The following NCOA3 variants were observed in gnomAD, a reference collection of about 807,000 sequenced individuals.
NCOA3 encodes the protein nuclear receptor coactivator 3, also known as CBP-interacting protein.
A neutral mutation model predicts 158.8 loss-of-function variants in NCOA3; 51 were observed. The ratio of observed to expected loss-of-function variants is 0.32; its 90% CI spans 0.26 to 0.41. NCOA3 has a LOEUF of 0.41. NCOA3 is among the 10% of genes least tolerant of loss of function. The pLI, the probability that NCOA3 is intolerant of heterozygous loss-of-function variation, is 1.00. For missense variants in NCOA3, 1,510 were observed against 1,746.6 expected (o/e 0.86, Z 2.41); for synonymous variants, 537 against 592.4 (o/e 0.91, Z 1.36).
intron 1 of NCOA3, among the ~76,000 whole-genome samples, chr20:47,542,189 C>G (rs1418890102): frequency 1.3e-5 from 2 of 151,146 alleles, no homozygotes; most frequent in East Asian, 3.9e-4. Context: ...CACCACCATG[C>G]CAGCTACATT....
Position 47,583,179 on chromosome 20 carries a change from T to C in NCOA3, c.-98-4T>C, listed in dbSNP as rs1287390550. 2.5e-6 allele frequency: 1 copy of C among 398,536 alleles called. No individual in the cohort carries two copies. Among genetic ancestry groups the C allele is most frequent in the African/African-American group, 2.1e-5 (1 of 48,646 alleles). The allele number at this position is 398,536 out of a possible 1,614,324, so 24.7% of individuals were successfully genotyped here. ...TCAATCCCTCCTCTTCTTTTTGTCCTCAGGATCAAAATACTTGCTGGATGG... is the reference window on the plus strand; with the variant it reads ...TCAATCCCTCCTCTTCTTTTTGTCCCCAGGATCAAAATACTTGCTGGATGG... On this transcript the variant is annotated splice_region_variant and splice_polypyrimidine_tract_variant and intron_variant, in intron 1 of 22. Transcript: ENST00000371998.
At chr20:47,532,421 GC>G (rs1274575259) in intron 1 of NCOA3, among the ~76,000 whole-genome samples, 1 of 150,878 alleles carries the variant, frequency 6.6e-6, no homozygotes, top group East Asian at 1.9e-4. Context: ...TAACAGTGAG[GC>G]CTTGCAGACA....
chr20:47,505,688 C>T (rs1351617165), intron 1 of NCOA3, among the ~76,000 whole-genome samples: 1 of 151,078 alleles, frequency 6.6e-6, no homozygotes, highest in Non-Finnish European at 1.5e-5. Context: ...TTAACTTTTT[C>T]TTATTTTTTT....
rs71183267 is a variant in NCOA3 at position 47,593,334 on chromosome 20, A to ATTTTTTTTTTT, written c.-20+10091_-20+10101dup. Among the ~76,000 whole-genome samples the ATTTTTTTTTTT allele has an allele frequency of 2.7e-4, 17 of 63,754 alleles. 1 individual carries two copies. Among genetic ancestry groups the ATTTTTTTTTTT allele is most frequent in the African/African-American group, 7.3e-4 (11 of 14,986 alleles). 41.8% of individuals were successfully genotyped at this position (63,754 alleles called of 152,430 possible). On this transcript the variant is annotated intron_variant, in intron 2 of 22. Coordinates refer to ENST00000371998, the MANE Select transcript of NCOA3 (RefSeq NM_181659.3). ...GGAGTACCTCCTCTTGAGTTGATGGATTTTTTTTTTTTTTTTTTTTTTTTT... is the reference window on the plus strand; with the variant it reads ...GGAGTACCTCCTCTTGAGTTGATGGATTTTTTTTTTTTTTTTTTTTTTTTTTTTTTTTTTTT...
At chr20:47,570,023 A>AC (rs1602417498) in intron 1 of NCOA3, among the ~76,000 whole-genome samples, 1 of 114,610 alleles carries the variant, frequency 8.7e-6, no homozygotes, top group African/African-American at 4.4e-5. Context: ...AAAAACAACA[A>AC]AAAAAAAACC....
At chr20:47,600,110 T>TTG (rs11472351) in intron 2 of NCOA3, among the ~76,000 whole-genome samples, 12,813 of 142,990 alleles carry the variant, frequency 0.09, 517 homozygotes, top group South Asian at 0.14. Context: ...CTCACTTCCT[T>TTG]TGTGTGTGTG....
At position 47,639,089 on chromosome 20, in the gene NCOA3, G is replaced by A. The variant is rs769659094; in HGVS notation, c.2594G>A (p.Gly865Asp). The change falls in exon 14 of 23, where the codon GGC (glycine) becomes GAC (aspartate). Residue 865 changes from glycine to aspartate, a missense_variant. This residue lies in a region of NCOA3 where 1,017 missense variants were observed against 1,098.3 expected (regional missense o/e 0.93). Transcript: ENST00000371998. ...AVSLDSPVSV[G>D]SSPPVKNISA... Reference sequence around the variant, plus strand: ...TCTCTGGATAGCCCTGTTTCTGTTGGCTCAAGTCCTCCAGTAAAAAATATC... The same window carrying A: ...TCTCTGGATAGCCCTGTTTCTGTTGACTCAAGTCCTCCAGTAAAAAATATC... 1.1e-5 allele frequency: 18 copies of A among 1,614,000 alleles called. No individual in the cohort carries two copies. The highest frequency in any genetic ancestry group is 1.5e-5 in the Non-Finnish European group (18 of 1,180,008).
chr20:47,581,103 CAAAAAG>C (rs1257308746), intron 1 of NCOA3, among the ~76,000 whole-genome samples: 2 of 151,182 alleles, frequency 1.3e-5, no homozygotes, highest in African/African-American at 2.4e-5. Flanking sequence ...GATCCTGTCT[CAAAAAG>C]AAAAAGAAAA....
intron 2 of NCOA3, among the ~76,000 whole-genome samples, chr20:47,584,045 A>AGCACTTTGGGGATTGGAGGTGGGAG (rs2085494974): frequency 6.6e-6 from 1 of 152,192 alleles, no homozygotes; most frequent in Non-Finnish European, 1.5e-5. Flanking sequence ...CTATGATCCT[A>AGCACTTTGGGGATTGGAGGTGGGAG]GCACTTTGGG....
At chr20:47,647,991 T>C (rs1409714198) in intron 18 of NCOA3, among the ~76,000 whole-genome samples, 1 of 150,912 alleles carries the variant, frequency 6.6e-6, no homozygotes, top group African/African-American at 2.4e-5. Flanking sequence ...CTTGGCTTAC[T>C]GCAACCTCCA....
At position 47,651,265 on chromosome 20, in the gene NCOA3, A is replaced by C. The variant is rs756460176; in HGVS notation, c.3935A>C (p.Gln1312Pro). 1.2e-6 allele frequency: 2 copies of C among 1,604,656 alleles called. No homozygotes were observed. The highest frequency in any genetic ancestry group is 2.2e-5 in the South Asian group (2 of 90,642). Residue 1312 changes from glutamine to proline, a missense_variant, in exon 20 of 23, where the codon CAA becomes CCA. Physicochemically the swap from Gln to Pro is moderately conservative, Grantham distance 76. Around this residue, in one of 4 missense-constraint regions of NCOA3, gnomAD observed 180 missense variants for 199.3 expected, o/e 0.90. Transcript: ENST00000371998. ...PQAPPQQFPY[Q>P]PNYGMGQQPD... ...GCTCCTCCGCAACAGTTTCCATATC[A>C]ACCAAATTATGGTAAATCTGACAAT...
At chr20:47,623,450 G>A (rs1460972780) in intron 3 of NCOA3, among the ~76,000 whole-genome samples, 2 of 152,158 alleles carry the variant, frequency 1.3e-5, no homozygotes, top group African/African-American at 2.4e-5. Context: ...CTCCAAGACA[G>A]CATTTTTGAT....
chr20:47,586,421 T>C (rs2146228752), intron 2 of NCOA3, among the ~76,000 whole-genome samples: 1 of 149,758 alleles, frequency 6.7e-6, no homozygotes, highest in East Asian at 1.9e-4. Flanking sequence ...TGAGGGTGAG[T>C]TACATATGTT....
intron 1 of NCOA3, among the ~76,000 whole-genome samples, chr20:47,578,200 T>A (rs1382950584): frequency 6.6e-6 from 1 of 152,210 alleles, no homozygotes; most frequent in Non-Finnish European, 1.5e-5. Flanking sequence ...TATTATTATT[T>A]TTTAAGACAG....
intron 1 of NCOA3, among the ~76,000 whole-genome samples, chr20:47,510,757 T>C (rs1449536221): frequency 6.6e-6 from 1 of 152,032 alleles, no homozygotes; most frequent in East Asian, 1.9e-4. Context: ...CACTCCTGGC[T>C]GATGTTTTTA....
At chr20:47,545,172 GGA>G (rs2084807857) in intron 1 of NCOA3, among the ~76,000 whole-genome samples, 1 of 116,426 alleles carries the variant, frequency 8.6e-6, no homozygotes, top group African/African-American at 3.4e-5. Flanking sequence ...GATATCCATA[GGA>G]TTTTTTTTTT....
At position 47,561,048 on chromosome 20, in the gene NCOA3, G is replaced by T. The variant is rs12479571; in HGVS notation, c.-98-22135G>T. Among the ~76,000 whole-genome samples the T allele has an allele frequency of 2.6e-3, 381 of 145,458 alleles. 7 individuals carry two copies. In the East Asian group the frequency reaches 0.051, roughly 20 times the overall value. The stretch of plus-strand genomic sequence containing the variant: ...AGTGGTATGATTTTGGCTCACTGCA[G>T]CTTGACTTCTGGGGCTCAGGCGATC... On this transcript the variant is annotated intron_variant, in intron 1 of 22. Coordinates refer to ENST00000371998, the MANE Select transcript of NCOA3 (RefSeq NM_181659.3).
At chr20:47,618,034 C>T (rs1047048026) in intron 2 of NCOA3, among the ~76,000 whole-genome samples, 9 of 152,032 alleles carry the variant, frequency 5.9e-5, no homozygotes, top group Admixed American at 3.3e-4. Flanking sequence ...GTCAGGAGTT[C>T]GAGACCAGCC....
chr20:47,525,623 C>A (rs1180349432), intron 1 of NCOA3, among the ~76,000 whole-genome samples: 2 of 138,936 alleles, frequency 1.4e-5, no homozygotes, highest in South Asian at 2.2e-4. Flanking sequence ...CTGACCCCCC[C>A]ACCTCCCTCC....
Sources: allele counts gnomAD v4.1 joint callset (sites outside exome capture counted in the v4.1 genomes callset), GRCh38; gene constraint gnomAD v4.1.1; regional missense constraint gnomAD v4.1.1; transcripts MANE v1.5; gene names NCBI Gene and HGNC (gene_info 2026-07-23, HGNC 2026-07-21).